STIM2: variants seen among roughly 807,000 people sequenced by gnomAD.
STIM2 encodes stromal interaction molecule 2.
A neutral mutation model predicts 85.8 loss-of-function variants in STIM2; 31 were observed. That is an observed-to-expected ratio of 0.36 (90% CI 0.27 to 0.49). The LOEUF is 0.49. STIM2 is among the 20% of genes least tolerant of loss of function. The pLI, the probability that STIM2 is intolerant of heterozygous loss-of-function variation, is 0.98. For synonymous variants in STIM2, 356 were observed against 331.1 expected, an observed-to-expected ratio of 1.08 and a Z score of -0.82; for missense variants, 841 against 927.6, an observed-to-expected ratio of 0.91 and a Z score of 1.21.
Position 26,907,016 on chromosome 4 carries a change from G to A in STIM2, c.152-12488G>A, listed in dbSNP as rs375169389. Among the ~76,000 whole-genome samples, 10 of 151,984 alleles carry A rather than the reference G, an allele frequency of 6.6e-5. No individual in the cohort carries two copies. In the East Asian group the frequency reaches 1.5e-3, roughly 24 times the overall value. ...CAGAAAACATTGCATGTGCTTTGGTGTAATTGTTTTGGGTAATTAATGAGT... is the reference window on the plus strand; with the variant it reads ...CAGAAAACATTGCATGTGCTTTGGTATAATTGTTTTGGGTAATTAATGAGT... On this transcript the variant is annotated intron_variant, in intron 1 of 11. Coordinates refer to ENST00000467087, the MANE Select transcript of STIM2 (RefSeq NM_020860.4).
intron 11 of STIM2, among the ~76,000 whole-genome samples, chr4:27,018,519 ATC>A (rs1728810160): frequency 6.6e-6 from 1 of 151,724 alleles, no homozygotes; most frequent in Non-Finnish European, 1.5e-5. Context: ...GATAATAATA[ATC>A]TCTCTATATT....
At position 27,023,316 on chromosome 4, in the gene STIM2, C is replaced by T. The variant is rs576912092; in HGVS notation, c.*320C>T. 2.6e-5 allele frequency: 7 copies of T among 266,542 alleles called. No individual in the cohort carries two copies. In the East Asian group the frequency reaches 4.8e-4, roughly 18 times the overall value. The allele number at this position is 266,542 out of a possible 1,614,324, so 16.5% of individuals were successfully genotyped here. On this transcript the variant is annotated 3_prime_UTR_variant, in exon 12 of 12. Coordinates refer to ENST00000467087, the MANE Select transcript of STIM2 (RefSeq NM_020860.4). ...ACATTTTGTTGAAAGCCACGATGGA[C>T]TTACAAGCTTTAATGGACTCGTAAG...
At chr4:26,881,811 T>C (rs1723026139) in intron 1 of STIM2, among the ~76,000 whole-genome samples, 1 of 152,234 alleles carries the variant, frequency 6.6e-6, no homozygotes, top group Non-Finnish European at 1.5e-5. Context: ...TTCTCATTGT[T>C]GGATAGTTTT....
intron 3 of STIM2, among the ~76,000 whole-genome samples, chr4:26,970,323 G>A (rs899670082): frequency 2.6e-5 from 4 of 151,348 alleles, no homozygotes; most frequent in African/African-American, 9.7e-5. Flanking sequence ...AGGTATACGT[G>A]TGCCATGTTG....
At chr4:26,941,682 C>A (rs926771135) in intron 2 of STIM2, among the ~76,000 whole-genome samples, 2 of 150,798 alleles carry the variant, frequency 1.3e-5, no homozygotes, top group African/African-American at 5.0e-5. Flanking sequence ...AATGGGATCT[C>A]CTAATTATTG....
Position 27,024,224 on chromosome 4 carries a change from A to T in STIM2, c.*1228A>T, listed in dbSNP as rs1729009246. The T allele has an allele frequency of 6.6e-6, 1 of 152,208 alleles. No homozygotes were observed. Among genetic ancestry groups the T allele is most frequent in the East Asian group, 1.9e-4 (1 of 5,206 alleles). 9.4% of individuals were successfully genotyped at this position (152,208 alleles called of 1,614,324 possible). A position where few individuals can be genotyped will look rare whatever the true frequency, so the allele number is the denominator to read the frequency against. ...TAATTTATAAAGTATGGTGTTCATT[A>T]AATTGGTGGGTTGTATAAGGGTAGC... On this transcript the variant is annotated 3_prime_UTR_variant, in exon 12 of 12. Transcript: ENST00000467087.
At chr4:26,918,477 G>A (rs140279859) in intron 1 of STIM2, among the ~76,000 whole-genome samples, 5 of 152,162 alleles carry the variant, frequency 3.3e-5, no homozygotes, top group South Asian at 4.2e-4. Context: ...ATAGACTATC[G>A]ATGAGATAAC....
chr4:26,914,372 C>T (rs1262498241), intron 1 of STIM2, among the ~76,000 whole-genome samples: 1 of 152,062 alleles, frequency 6.6e-6, no homozygotes, highest in Non-Finnish European at 1.5e-5. Context: ...CTTGCCTATC[C>T]CTGTCTTCCT....
chr4:26,956,275 AT>A (rs1726234117), intron 2 of STIM2, among the ~76,000 whole-genome samples: 1 of 152,204 alleles, frequency 6.6e-6, no homozygotes, highest in African/African-American at 2.4e-5. Flanking sequence ...TAATGGGTAC[AT>A]ATATGAGCAA....
At chr4:26,889,307 A>G (rs151236941) in intron 1 of STIM2, among the ~76,000 whole-genome samples, 13 of 152,304 alleles carry the variant, frequency 8.5e-5, no homozygotes, top group East Asian at 5.8e-4. Context: ...CTACCATTCT[A>G]TTAAGCCAGC....
At chr4:27,011,111 A>C (rs116752945) in intron 10 of STIM2, among the ~76,000 whole-genome samples, 2,964 of 152,176 alleles carry the variant, frequency 0.019, 103 homozygotes, top group African/African-American at 0.068. Context: ...CACATTGCCT[A>C]CCCTTCCCCA....
At chr4:26,907,488 C>T (rs754966710) in intron 1 of STIM2, among the ~76,000 whole-genome samples, 1 of 152,024 alleles carries the variant, frequency 6.6e-6, no homozygotes, top group Non-Finnish European at 1.5e-5. Flanking sequence ...CTCCCTCTTG[C>T]TTTTGGATGT....
At chr4:26,884,254 C>CAATTCTA (rs1723127737) in intron 1 of STIM2, among the ~76,000 whole-genome samples, 1 of 152,172 alleles carries the variant, frequency 6.6e-6, no homozygotes, top group Non-Finnish European at 1.5e-5. Flanking sequence ...ATGTGTTCTC[C>CAATTCTA]AGTAAAAGAG....
At chr4:27,008,723 C>T in intron 9 of STIM2, 41 bp from the exon 10 acceptor site, 6 of 1,588,578 alleles carry the variant, frequency 3.8e-6, no homozygotes, top group Non-Finnish European at 5.2e-6. Context: ...ATATTAAAGA[C>T]CTTTTGATGC....
At chr4:26,952,125 C>CA (rs1726077537) in intron 2 of STIM2, among the ~76,000 whole-genome samples, 1 of 152,096 alleles carries the variant, frequency 6.6e-6, no homozygotes, top group Non-Finnish European at 1.5e-5. Flanking sequence ...GTCCCTCCCA[C>CA]AACAGGTGGG....
rs1432194848 is a variant in STIM2 at position 27,025,312 on chromosome 4, C to A, written c.*2316C>A. On this transcript the variant is annotated 3_prime_UTR_variant, in exon 12 of 12. Coordinates refer to ENST00000467087, the MANE Select transcript of STIM2 (RefSeq NM_020860.4). The stretch of plus-strand genomic sequence containing the variant: ...CATTTCTGTAAGTTTTTAAAATTAT[C>A]CATTTGTTACTTTAACATTTTAAAA... 6.7e-6 allele frequency: 1 copy of A among 150,038 alleles called. No individual in the cohort carries two copies. 9.3% of individuals were successfully genotyped at this position (150,038 alleles called of 1,614,324 possible). A position where few individuals can be genotyped will look rare whatever the true frequency, so the allele number is the denominator to read the frequency against.
chr4:26,972,867 TC>T (rs1237443946), intron 3 of STIM2, among the ~76,000 whole-genome samples: 1 of 152,178 alleles, frequency 6.6e-6, no homozygotes, highest in African/African-American at 2.4e-5. Context: ...ATCCCTCTGT[TC>T]CTGGACTTCT....
intron 1 of STIM2, among the ~76,000 whole-genome samples, chr4:26,878,882 C>T (rs2109034488): frequency 6.6e-6 from 1 of 152,262 alleles, no homozygotes; most frequent in East Asian, 1.9e-4. Context: ...CTCATGAGAA[C>T]TCCCTCACTA....
At chr4:26,998,356 TCTAC>T (rs1185296084) in intron 4 of STIM2, among the ~76,000 whole-genome samples, 1 of 152,210 alleles carries the variant, frequency 6.6e-6, no homozygotes, top group African/African-American at 2.4e-5. Context: ...TATAAATTCC[TCTAC>T]CTACCTACCT....
Sources: gnomAD v4.1 joint callset for allele counts (sites outside exome capture counted in the v4.1 genomes callset) on GRCh38, gnomAD v4.1.1 for gene constraint, MANE v1.5 for transcripts, NCBI Gene and HGNC (gene_info 2026-07-23, HGNC 2026-07-21) for gene names.